The following AKAP6 variants were observed in gnomAD, a reference collection of about 807,000 sequenced individuals.
AKAP6 encodes the protein A-kinase anchoring protein 6, also known as A-kinase anchor protein 6.
In AKAP6, 58 loss-of-function variants were observed where a neutral mutation model predicts 188.5. The observed-to-expected ratio is 0.31, with a 90% CI of 0.25 to 0.38. The LOEUF (loss-of-function observed/expected upper bound fraction) is 0.38. Ranked by LOEUF, AKAP6 falls within the 10% of genes least tolerant of loss-of-function variation. AKAP6 has a pLI of 1.00. For missense variants in AKAP6, 2,710 were observed against 2,740.0 expected, an observed-to-expected ratio of 0.99 and a Z score of 0.24; for synonymous variants, 989 against 998.6, an observed-to-expected ratio of 0.99 and a Z score of 0.18.
chr14:32,579,268 A>G (rs768586369), intron 5 of AKAP6, among the ~76,000 whole-genome samples: 13 of 152,180 alleles, frequency 8.5e-5, no homozygotes, highest in Non-Finnish European at 1.6e-4. Flanking sequence ...GGCCACCAGT[A>G]TAAAGATCCA....
At chr14:32,593,500 A>G in intron 5 of AKAP6, among the ~76,000 whole-genome samples, 1 of 152,182 alleles carries the variant, frequency 6.6e-6, no homozygotes, top group East Asian at 1.9e-4. Flanking sequence ...GAGGTGGTTA[A>G]AAATAGAAGG....
chr14:32,790,866 G>A (rs1041538732), intron 12 of AKAP6, among the ~76,000 whole-genome samples: 6 of 152,114 alleles, frequency 3.9e-5, no homozygotes, highest in Non-Finnish European at 7.4e-5. Flanking sequence ...AGAACATGTG[G>A]TTTTTGGTTT....
intron 7 of AKAP6, among the ~76,000 whole-genome samples, chr14:32,624,265 C>G (rs956224966): frequency 1.3e-5 from 2 of 152,068 alleles, no homozygotes; most frequent in African/African-American, 4.8e-5. Flanking sequence ...ACTAATAGGA[C>G]AGAGGAAAAT....
intron 2 of AKAP6, among the ~76,000 whole-genome samples, chr14:32,487,474 A>T (rs4465524): frequency 0.67 from 102,273 of 152,150 alleles, 35,855 homozygotes; most frequent in East Asian, 0.89. Flanking sequence ...GCTTTCTTGC[A>T]TTGGGTTAGA....
intron 2 of AKAP6, among the ~76,000 whole-genome samples, chr14:32,515,832 A>G (rs1194449440): frequency 6.6e-6 from 1 of 152,236 alleles, no homozygotes; most frequent in Non-Finnish European, 1.5e-5. Context: ...CTTCATTTAC[A>G]TGTGGTACTA....
At chr14:32,474,117 C>G (rs1189935134) in intron 2 of AKAP6, 3 of 152,122 alleles carry the variant, frequency 2.0e-5, no homozygotes, top group African/African-American at 4.8e-5. Context: ...AGGCTGGTCT[C>G]AAACTCCTGA....
chr14:32,601,913 G>A (rs1371639435), intron 7 of AKAP6, among the ~76,000 whole-genome samples: 7 of 152,146 alleles, frequency 4.6e-5, no homozygotes, highest in South Asian at 2.1e-4. Flanking sequence ...CTCAAACAAC[G>A]CCTTTAACTT....
intron 1 of AKAP6, among the ~76,000 whole-genome samples, chr14:32,431,647 G>A (rs956384599): frequency 5.9e-5 from 9 of 152,220 alleles, no homozygotes; most frequent in Non-Finnish European, 1.0e-4. Flanking sequence ...TGAGTAGCTG[G>A]GATTACAGGT....
At chr14:32,826,327 G>C (rs958439010) in intron 13 of AKAP6, among the ~76,000 whole-genome samples, 1 of 152,170 alleles carries the variant, frequency 6.6e-6, no homozygotes, top group African/African-American at 2.4e-5. Context: ...AGAGAGAAAT[G>C]TATTTTCTGT....
At chr14:32,766,167 T>C (rs2032713030) in intron 11 of AKAP6, among the ~76,000 whole-genome samples, 1 of 152,196 alleles carries the variant, frequency 6.6e-6, no homozygotes, top group African/African-American at 2.4e-5. Context: ...TCAAGGTTCA[T>C]CCATGTTATG....
chr14:32,352,884 A>C (rs1217404555), intron 1 of AKAP6, among the ~76,000 whole-genome samples: 1 of 152,232 alleles, frequency 6.6e-6, no homozygotes, highest in Non-Finnish European at 1.5e-5. Context: ...TCTCTTTGAC[A>C]TAGTGATTTC....
intron 12 of AKAP6, among the ~76,000 whole-genome samples, chr14:32,793,421 A>G (rs934311181): frequency 6.6e-6 from 1 of 152,214 alleles, no homozygotes; most frequent in East Asian, 1.9e-4. Flanking sequence ...ATTAAAAAAG[A>G]TAAAGAAGGG....
At chr14:32,639,217 T>A (rs917282162) in intron 7 of AKAP6, among the ~76,000 whole-genome samples, 2 of 152,202 alleles carry the variant, frequency 1.3e-5, no homozygotes, top group Non-Finnish European at 1.5e-5. Flanking sequence ...GTATCTGCGT[T>A]GTTTTTGCAT....
chr14:32,521,266 A>G (rs1357837928), intron 2 of AKAP6, among the ~76,000 whole-genome samples: 1 of 152,192 alleles, frequency 6.6e-6, no homozygotes, highest in African/African-American at 2.4e-5. Context: ...ATTCCCTTTG[A>G]AAACGGGCAC....
intron 1 of AKAP6, among the ~76,000 whole-genome samples, chr14:32,349,111 G>A (rs1000781620): frequency 1.3e-5 from 2 of 152,136 alleles, no homozygotes; most frequent in Admixed American, 6.5e-5. Flanking sequence ...GGTGTTTGAC[G>A]TACAGGATTT....
rs557026751 is a variant in AKAP6, at chr14:32,830,569, A to G, written c.*764A>G. The G allele has an allele frequency of 2.0e-5, 3 of 152,736 alleles. 1 individual carries two copies. Among genetic ancestry groups the G allele is most frequent in the South Asian group, 4.1e-4 (2 of 4,824 alleles). 9.5% of individuals were successfully genotyped at this position (152,736 alleles called of 1,614,324 possible). On this transcript the variant is annotated 3_prime_UTR_variant, in exon 14 of 14. Transcript: ENST00000280979. Reference sequence around the variant, plus strand: ...TGTGCCTTGCTGTATTTCTTATACCATTTATTAAAAAGCTGCTTTCACGGT... The same window carrying G: ...TGTGCCTTGCTGTATTTCTTATACCGTTTATTAAAAAGCTGCTTTCACGGT...
At position 32,821,817 on chromosome 14, in the gene AKAP6, C is replaced by A. The variant is rs748121108; in HGVS notation, c.4004C>A (p.Ser1335Tyr). 1.2e-6 allele frequency: 2 copies of A among 1,613,852 alleles called. No homozygotes were observed. The highest frequency in any genetic ancestry group is 1.7e-6 in the Non-Finnish European group (2 of 1,179,930). The part of the protein sequence containing the change: ...SKDSSFSSTK[S>Y]LPDLLGGSNL... Reference sequence around the variant, plus strand: ...GACTCTTCATTTTCATCTACCAAATCTTTGCCAGATCTTCTAGGTGGTTCC... The same window carrying A: ...GACTCTTCATTTTCATCTACCAAATATTTGCCAGATCTTCTAGGTGGTTCC... Residue 1335 changes from serine (S) to tyrosine (Y), a missense_variant, in exon 13 of 14, where the codon TCT becomes TAT. Around this residue, in one of 2 missense-constraint regions of AKAP6, gnomAD observed 2,473 missense variants for 2,426.1 expected, o/e 1.02. Coordinates refer to ENST00000280979, the MANE Select transcript of AKAP6 (RefSeq NM_004274.5).
intron 1 of AKAP6, among the ~76,000 whole-genome samples, chr14:32,354,502 C>T (rs1291560670): frequency 6.6e-6 from 1 of 152,162 alleles, no homozygotes; most frequent in Non-Finnish European, 1.5e-5. Flanking sequence ...AAGTGCCTGG[C>T]ATGGTAAGCG....
chr14:32,533,512 A>G (rs113560968), intron 2 of AKAP6, among the ~76,000 whole-genome samples: 8 of 152,294 alleles, frequency 5.3e-5, no homozygotes, highest in Non-Finnish European at 8.8e-5. Flanking sequence ...GAGTCCAGGT[A>G]GTAGATGGAT....
Sources: allele counts gnomAD v4.1 joint callset (sites outside exome capture counted in the v4.1 genomes callset), GRCh38; gene constraint gnomAD v4.1.1; regional missense constraint gnomAD v4.1.1; transcripts MANE v1.5; gene names NCBI Gene and HGNC (gene_info 2026-07-23, HGNC 2026-07-21).